PARN: variants seen among roughly 807,000 people sequenced by gnomAD.
PARN encodes the protein poly(A)-specific ribonuclease PARN.
In PARN, 71 loss-of-function variants were observed where a neutral mutation model predicts 102.8. The ratio of observed to expected loss-of-function variants is 0.69; its 90% CI spans 0.57 to 0.84. The LOEUF (loss-of-function observed/expected upper bound fraction) is 0.84, where lower values mean the gene tolerates loss of function less well. PARN is among the 40% of genes least tolerant of loss of function. The pLI, the probability that PARN is intolerant of heterozygous loss-of-function variation, is 0.00. For missense variants in PARN, 782 were observed against 760.9 expected, an observed-to-expected ratio of 1.03 and a Z score of -0.33; for synonymous variants, 261 against 252.9, an observed-to-expected ratio of 1.03 and a Z score of -0.30.
rs577180612 is a variant in PARN at position 14,617,180 on chromosome 16, C to G, written c.388+410G>C. ...TGGGCAGATCACGAGGTCAGGAGAT[C>G]GAGACCATCCTGGCTAACACGGTGA... On this transcript the variant is annotated intron_variant, in intron 6 of 23. Coordinates refer to ENST00000437198, the MANE Select transcript of PARN (RefSeq NM_002582.4). 4.6e-5 allele frequency among the ~76,000 whole-genome samples: 7 copies of G among 150,746 alleles called. No homozygotes were observed. In the South Asian group the frequency reaches 6.3e-4, roughly 14 times the overall value.
intron 18 of PARN, among the ~76,000 whole-genome samples, chr16:14,568,275 C>T (rs542342034): frequency 1.3e-5 from 2 of 149,546 alleles, no homozygotes; most frequent in African/African-American, 2.5e-5. Flanking sequence ...TGCAGTGGCA[C>T]GATCTCGGCT....
At chr16:14,604,262 C>G in intron 10 of PARN, 36 bp from the exon 11 acceptor site, 1 of 1,346,788 alleles carries the variant, frequency 7.4e-7, no homozygotes, top group East Asian at 2.4e-5. Flanking sequence ...ATTTTCTTTT[C>G]TTTTTCTTTT....
At chr16:14,596,944 G>A (rs1970555796) in intron 12 of PARN, among the ~76,000 whole-genome samples, 2 of 151,922 alleles carry the variant, frequency 1.3e-5, no homozygotes, top group Admixed American at 6.6e-5. Flanking sequence ...GTGCCACCAC[G>A]CTCAGCTAAT....
chr16:14,520,885 T>C (rs1965701022), intron 21 of PARN, among the ~76,000 whole-genome samples: 1 of 152,162 alleles, frequency 6.6e-6, no homozygotes, highest in Admixed American at 6.5e-5. Flanking sequence ...TATATTCTTC[T>C]TTATAGTGTG....
intron 12 of PARN, among the ~76,000 whole-genome samples, chr16:14,598,852 G>C (rs1970693875): frequency 1.3e-5 from 2 of 152,022 alleles, no homozygotes. Context: ...TGGCCTTAAA[G>C]CTTCCCTGAT....
chr16:14,594,420 T>A (rs981459441), intron 12 of PARN, among the ~76,000 whole-genome samples: 4 of 152,074 alleles, frequency 2.6e-5, no homozygotes, highest in African/African-American at 7.2e-5. Flanking sequence ...ATTTTTAACA[T>A]AAAACATCAG....
chr16:14,538,822 C>T (rs1966726990), intron 21 of PARN, among the ~76,000 whole-genome samples: 1 of 152,146 alleles, frequency 6.6e-6, no homozygotes. Flanking sequence ...CTCCCCATCG[C>T]TCGCATTACC....
intron 8 of PARN, among the ~76,000 whole-genome samples, chr16:14,608,849 C>G (rs1971351740): frequency 6.6e-6 from 1 of 152,190 alleles, no homozygotes; most frequent in South Asian, 2.1e-4. Context: ...TTCTCCGCTC[C>G]AAGTACAGGA....
intron 22 of PARN, among the ~76,000 whole-genome samples, chr16:14,479,244 C>A (rs1963247722): frequency 6.6e-6 from 1 of 151,968 alleles, no homozygotes. Context: ...CACAGTAAAA[C>A]CTTGTCTCTA....
At chr16:14,615,298 T>C (rs1050291059) in intron 6 of PARN, among the ~76,000 whole-genome samples, 14 of 149,762 alleles carry the variant, frequency 9.3e-5, no homozygotes, top group African/African-American at 3.4e-4. Context: ...TCTCTTCTTT[T>C]ATGGGAAAAA....
intron 23 of PARN, among the ~76,000 whole-genome samples, chr16:14,444,771 G>A (rs1048666968): frequency 6.6e-6 from 1 of 152,134 alleles, no homozygotes; most frequent in Non-Finnish European, 1.5e-5. Flanking sequence ...ATAAAGGTAT[G>A]AAATTTGAAG....
At chr16:14,529,658 C>T (rs996953713) in intron 21 of PARN, among the ~76,000 whole-genome samples, 1 of 152,130 alleles carries the variant, frequency 6.6e-6, no homozygotes, top group Non-Finnish European at 1.5e-5. Flanking sequence ...TGATGGCCAG[C>T]AATAAAGTAT....
chr16:14,586,194 C>G (rs1969845549), intron 14 of PARN, 124 bp downstream of exon 14: 6 of 630,426 alleles, frequency 9.5e-6, no homozygotes, highest in Middle Eastern at 5.1e-4. Flanking sequence ...CAGGCTGGTT[C>G]TGAACTCCCT....
chr16:14,629,899 C>T (rs770157903), intron 1 of PARN, among the ~76,000 whole-genome samples: 9 of 152,206 alleles, frequency 5.9e-5, no homozygotes, highest in Non-Finnish European at 1.2e-4. Flanking sequence ...CGGATGGTGC[C>T]GGGGTTGGAG....
chr16:14,610,883 A>C, intron 6 of PARN, 74 bp from the exon 7 acceptor site: 1 of 940,982 alleles, frequency 1.1e-6, no homozygotes, highest in Admixed American at 2.0e-5. Context: ...CAAACCAAAG[A>C]GTCTAAATTA....
At chr16:14,502,073 G>A (rs1286099322) in intron 21 of PARN, among the ~76,000 whole-genome samples, 1 of 152,300 alleles carries the variant, frequency 6.6e-6, no homozygotes, top group African/African-American at 2.4e-5. Context: ...TGTACACTCT[G>A]GGGTAGACAG....
At chr16:14,551,671 A>G (rs1967311666) in intron 21 of PARN, among the ~76,000 whole-genome samples, 1 of 152,222 alleles carries the variant, frequency 6.6e-6, no homozygotes, top group Non-Finnish European at 1.5e-5. Context: ...GGGGGAAAGT[A>G]CAGAGATGAA....
chr16:14,525,945 A>C (rs1384515284), intron 21 of PARN, among the ~76,000 whole-genome samples: 1 of 151,668 alleles, frequency 6.6e-6, no homozygotes, highest in Non-Finnish European at 1.5e-5. Context: ...CAGCCTCCCG[A>C]GTAGCTAGGA....
intron 21 of PARN, among the ~76,000 whole-genome samples, chr16:14,542,581 AAAG>A (rs1344011664): frequency 1.4e-4 from 21 of 152,238 alleles, no homozygotes; most frequent in Admixed American, 1.3e-3. Flanking sequence ...AAAAAAAAGA[AAAG>A]AAAACAGAAA....
Sources: gnomAD v4.1 joint callset for allele counts (sites outside exome capture counted in the v4.1 genomes callset) on GRCh38, gnomAD v4.1.1 for gene constraint, MANE v1.5 for transcripts, NCBI Gene and HGNC (gene_info 2026-07-23, HGNC 2026-07-21) for gene names.